Variants in NEFM observed in about 807,000 individuals in gnomAD.
The protein encoded by NEFM is neurofilament medium chain.
A neutral mutation model predicts 48.1 loss-of-function variants in NEFM; 16 were observed. The ratio of observed to expected loss-of-function variants is 0.33; its 90% CI spans 0.23 to 0.51. The LOEUF (loss-of-function observed/expected upper bound fraction) is 0.51. Ranked by LOEUF, NEFM falls within the 20% of genes least tolerant of loss-of-function variation. NEFM has a pLI of 0.98. For synonymous variants in NEFM, 465 were observed against 456.9 expected, an observed-to-expected ratio of 1.02 and a Z score of -0.23; for missense variants, 1,107 against 1,136.0, an observed-to-expected ratio of 0.97 and a Z score of 0.37.
At position 24,917,769 on chromosome 8, in the gene NEFM, A is replaced by C. The variant is rs771852346; in HGVS notation, c.1914A>C (p.Lys638Asn). 6.2e-7 allele frequency: 1 copy of C among 1,613,918 alleles called. No individual in the cohort carries two copies. Among genetic ancestry groups the C allele is most frequent in the South Asian group, 1.1e-5 (1 of 91,050 alleles). ...TGCCCAAGTCACCAGTGGAAGAGAA[A>C]GGCAAGTCTCCTGTGCCCAAGTCAC... The part of the protein sequence containing the change: ...SPVPKSPVEE[K>N]GKSPVPKSPV... The change falls in exon 3 of 3, where the codon AAA becomes AAC. Residue 638 changes from lysine (K) to asparagine (N), a missense_variant. Transcript: ENST00000221166.
At position 24,914,781 on chromosome 8, in the gene NEFM, G is replaced by C. The variant is rs1802547613; in HGVS notation, c.988G>C (p.Glu330Gln). ...GCGCCAGCTGCAGTCCAAGAGCATC[G>C]AGCTAGAGTCGGTGCGCGGCACCAA... ...YRRQLQSKSI[E>Q]LESVRGTKES... is the part of the protein sequence containing the mutation. Residue 330 changes from glutamate to glutamine, a missense_variant, in exon 1 of 3, where the codon GAG (glutamate) becomes CAG (glutamine). Physicochemically the swap from Glu to Gln is conservative, Grantham distance 29 (BLOSUM62 2). This residue lies in a region of NEFM where 917 missense variants were observed against 916.4 expected (regional missense o/e 1.00). Transcript: ENST00000221166. 1 of 1,609,700 alleles carries C rather than the reference G, an allele frequency of 6.2e-7. No individual in the cohort carries two copies. Among genetic ancestry groups the C allele is most frequent in the African/African-American group, 1.3e-5 (1 of 74,882 alleles).
In NEFM at chr8:24,915,342, C is replaced by T. The variant is rs936776438; in HGVS notation, c.1081-263C>T. 18 of 1,263,036 alleles carry T rather than the reference C, an allele frequency of 1.4e-5. No individual in the cohort carries two copies. In the African/African-American group the frequency reaches 2.3e-4, roughly 16 times the overall value. The allele number at this position is 1,263,036 out of a possible 1,614,324, so 78.2% of individuals were successfully genotyped here. The stretch of plus-strand genomic sequence containing the variant: ...CATGCATGTTTGTGTCCTGTTGAGA[C>T]GTGTTCTAAGTCCACTGGTCTCCGT... On this transcript the variant is annotated intron_variant, in intron 1 of 2. Coordinates refer to ENST00000221166, the MANE Select transcript of NEFM (RefSeq NM_005382.2).
At position 24,918,392 on chromosome 8, in the gene NEFM, A is replaced by T. The variant is rs749966909; in HGVS notation, c.2537A>T (p.Asp846Val). Residue 846 changes from aspartate to valine, a missense_variant, in exon 3 of 3, where the codon GAT becomes GTT. Asp to Val is a radical substitution (Grantham distance 152). This residue lies in a region of NEFM where 917 missense variants were observed against 916.4 expected (regional missense o/e 1.00). Transcript: ENST00000221166. Reference sequence around the variant, plus strand: ...CCAGCAGATGAAAAGAAGGGGGGTGATAAAAGTGAGGAGAAAGTGGTGGTG... The same window carrying T: ...CCAGCAGATGAAAAGAAGGGGGGTGTTAAAAGTGAGGAGAAAGTGGTGGTG... ...LSPADEKKGG[D>V]KSEEKVVVTK... 2.5e-6 allele frequency: 4 copies of T among 1,614,046 alleles called. No homozygotes were observed. Among genetic ancestry groups the T allele is most frequent in the Non-Finnish European group, 3.4e-6 (4 of 1,180,036 alleles).
intron 1 of NEFM, chr8:24,915,159 G>A: frequency 1.5e-6 from 2 of 1,331,036 alleles, no homozygotes; most frequent in South Asian, 3.8e-5. Flanking sequence ...AAAGCAGGAG[G>A]GATGAATTCG....
At chr8:24,915,062 C>T in intron 1 of NEFM, 189 bp downstream of exon 1, 1 of 1,380,198 alleles carries the variant, frequency 7.2e-7, no homozygotes. Context: ...ACTCCGCCCC[C>T]ACCCACCTGC....
In NEFM at chr8:24,918,551, A is replaced by G. The variant is rs1802618725; in HGVS notation, c.2696A>G (p.Lys899Arg). The change falls in exon 3 of 3, where the codon AAG becomes AGG. Residue 899 changes from lysine (K) to arginine (R), a missense_variant. Coordinates refer to ENST00000221166, the MANE Select transcript of NEFM (RefSeq NM_005382.2). ...GAGGAGAAACTAGTGTCTACTAAAA[A>G]GGTAGAAAAAGTCACTTCACACGCC... is the stretch of plus-strand genomic sequence containing the variant. ...TFEEKLVSTK[K>R]VEKVTSHAIV... is the part of the protein sequence containing the mutation. 1.2e-6 allele frequency: 2 copies of G among 1,613,620 alleles called. No homozygotes were observed. The highest frequency in any genetic ancestry group is 1.7e-6 in the Non-Finnish European group (2 of 1,180,020).
chr8:24,917,196 G>A lies in NEFM; in HGVS notation c.1341G>A (p.Lys447=). The change falls in exon 3 of 3, where the codon AAG becomes AAA. Residue 447 remains lysine (K), a synonymous_variant. Transcript: ENST00000221166. ...CCAAGGTGGAAGCTCCCAAGCTTAA[G>A]GTCCAACACAAATTTGTCGAGGAGA... ...QKPKVEAPKL[K]VQHKFVEEII... 1 of 1,614,072 alleles carries A rather than the reference G, an allele frequency of 6.2e-7. No homozygotes were observed. The highest frequency in any genetic ancestry group is 1.6e-4 in the Middle Eastern group (1 of 6,062).
Position 24,913,856 on chromosome 8 carries a change from C to G in NEFM, c.63C>G (p.Arg21=). 4.4e-6 allele frequency: 7 copies of G among 1,608,078 alleles called. No individual in the cohort carries two copies. Among genetic ancestry groups the G allele is most frequent in the Non-Finnish European group, 5.9e-6 (7 of 1,178,006 alleles). The change falls in exon 1 of 3, where the codon CGC becomes CGG. Residue 21 remains arginine, a synonymous_variant. Coordinates refer to ENST00000221166, the MANE Select transcript of NEFM (RefSeq NM_005382.2). ...PSAYRRVTET[R]SSFSRVSGSP... is the part of the protein sequence containing the mutation. ...CCTACCGGCGGGTAACCGAGACCCG[C>G]TCGAGCTTCAGCCGCGTCAGCGGCT...
At position 24,917,373 on chromosome 8, in the gene NEFM, A is replaced by C; in HGVS notation, c.1518A>C (p.Val506=). 1 of 1,589,244 alleles carries C rather than the reference A, an allele frequency of 6.3e-7. No individual in the cohort carries two copies. The highest frequency in any genetic ancestry group is 8.6e-7 in the Non-Finnish European group (1 of 1,167,166). Residue 506 remains valine, a synonymous_variant, in exon 3 of 3, where the codon GTA becomes GTC. Coordinates refer to ENST00000221166, the MANE Select transcript of NEFM (RefSeq NM_005382.2). ...EEEPEAEEEE[V]AAKKSPVKAT... ...AACCCGAAGCTGAAGAAGAAGAAGTAGCTGCCAAAAAGTCTCCAGTGAAAG... is the reference window on the plus strand; with the variant it reads ...AACCCGAAGCTGAAGAAGAAGAAGTCGCTGCCAAAAAGTCTCCAGTGAAAG...
rs1802586343 is a variant in NEFM, at chr8:24,917,171, C to A, written c.1316C>A (p.Pro439His). The A allele has an allele frequency of 6.2e-7, 1 of 1,613,872 alleles. No homozygotes were observed. The highest frequency in any genetic ancestry group is 1.3e-5 in the African/African-American group (1 of 74,836). ...ACAATATCCAGTAAGATTCAGAAACCCAAGGTGGAAGCTCCCAAGCTTAAG... is the reference window on the plus strand; with the variant it reads ...ACAATATCCAGTAAGATTCAGAAACACAAGGTGGAAGCTCCCAAGCTTAAG... ...PITISSKIQK[P>H]KVEAPKLKVQ... is the part of the protein sequence containing the mutation. Residue 439 changes from proline (P) to histidine (H), a missense_variant, in exon 3 of 3, where the codon CCC becomes CAC. Physicochemically the swap from Pro to His is moderately conservative, Grantham distance 77. Coordinates refer to ENST00000221166, the MANE Select transcript of NEFM (RefSeq NM_005382.2).
Position 24,915,644 on chromosome 8 carries a change from A to G in NEFM, c.1120A>G (p.Lys374Glu). The G allele has an allele frequency of 2.5e-6, 4 of 1,614,096 alleles. No homozygotes were observed. Among genetic ancestry groups the G allele is most frequent in the Non-Finnish European group, 2.5e-6 (3 of 1,180,020 alleles). The change falls in exon 2 of 3, where the codon AAG (lysine) becomes GAG (glutamate). Residue 374 changes from lysine (K) to glutamate (E), a missense_variant. Physicochemically the swap from Lys to Glu is moderately conservative, Grantham distance 56. Transcript: ENST00000221166. ...QQLENELRGT[K>E]WEMARHLREY... ...GCTGGAAAATGAGCTTCGGGGCACA[A>G]AGTGGGAAATGGCTCGTCATTTGCG...
Position 24,914,024 on chromosome 8 carries a change from C to T in NEFM, c.231C>T (p.Phe77=), listed in dbSNP as rs765561281. 9 of 1,612,674 alleles carry T rather than the reference C, an allele frequency of 5.6e-6. No individual in the cohort carries two copies. Among genetic ancestry groups the T allele is most frequent in the Middle Eastern group, 1.7e-4 (1 of 6,058 alleles). The stretch of plus-strand genomic sequence containing the variant: ...GCTCCGCCGAGAGCAGCCTTGACTT[C>T]AGCCAGTCCTCGTCCCTGCTCAACG... The part of the protein sequence containing the change: ...MLSSAESSLD[F]SQSSSLLNGG... The change falls in exon 1 of 3, where the codon TTC becomes TTT. Residue 77 remains phenylalanine (F), a synonymous_variant. Transcript: ENST00000221166.
Position 24,917,630 on chromosome 8 carries a change from G to T in NEFM, c.1775G>T (p.Ser592Ile). 1.9e-6 allele frequency: 3 copies of T among 1,613,000 alleles called. No homozygotes were observed. The highest frequency in any genetic ancestry group is 2.5e-6 in the Non-Finnish European group (3 of 1,179,836). ...AKEEKKVEEK[S>I]EEVATKEELV... ...GAGGAAAAGAAAGTGGAGGAAAAGA[G>T]TGAGGAAGTGGCTACCAAGGAGGAG... Residue 592 changes from serine to isoleucine, a missense_variant, in exon 3 of 3, where the codon AGT (serine) becomes ATT (isoleucine). By Grantham distance (142) the Ser-to-Ile change is moderately radical. Transcript: ENST00000221166.
chr8:24,917,553 GGAA>G lies in NEFM; in HGVS notation c.1703_1705del (p.Glu568del), dbSNP rs1405029936. The G allele has an allele frequency of 1.3e-5, 20 of 1,569,242 alleles. No individual in the cohort carries two copies. The highest frequency in any genetic ancestry group is 1.7e-5 in the Non-Finnish European group (20 of 1,156,892). On this transcript the variant is annotated inframe_deletion, in exon 3 of 3. Transcript: ENST00000221166. ...CTAGTGAAAAAGAGGAAGGTGAGCA[GGAA>G]GAAGGAGAAACAGAAGCTGAAGCTG...
At position 24,917,135 on chromosome 8, in the gene NEFM, G is replaced by C. The variant is rs545495731; in HGVS notation, c.1280G>C (p.Arg427Pro). ...GSITGPLYTH[R>P]PPITISSKIQ... ...ATCACTGGGCCACTGTATACACACC[G>C]ACCCCCAATCACAATATCCAGTAAG... Residue 427 changes from arginine to proline, a missense_variant, in exon 3 of 3, where the codon CGA becomes CCA. By Grantham distance (103) the Arg-to-Pro change is moderately radical. Around this residue, in one of 3 missense-constraint regions of NEFM, gnomAD observed 917 missense variants for 916.4 expected, o/e 1.00. Transcript: ENST00000221166. 13 of 1,613,934 alleles carry C rather than the reference G, an allele frequency of 8.1e-6. No homozygotes were observed. The highest frequency in any genetic ancestry group is 1.7e-5 in the Admixed American group (1 of 59,988).
rs1431986192 is a variant in NEFM, at chr8:24,914,447, G to A, written c.654G>A (p.Val218=). The A allele has an allele frequency of 6.2e-7, 1 of 1,613,796 alleles. No homozygotes were observed. The highest frequency in any genetic ancestry group is 2.2e-5 in the East Asian group (1 of 44,860). Residue 218 remains valine (V), a synonymous_variant, in exon 1 of 3, where the codon GTG becomes GTA. Coordinates refer to ENST00000221166, the MANE Select transcript of NEFM (RefSeq NM_005382.2). ...TCGAGGAGGCGTCGCTGGTCAAGGT[G>A]GAGCTGGACAAGAAGGTGCAGTCGC... ...KDIEEASLVK[V]ELDKKVQSLQ...
In NEFM at chr8:24,918,696, G is replaced by A; in HGVS notation, c.*90G>A. ...TCAAAACAGAACGGGTTCTCCCATG[G>A]GGGCTCCAGACATTGTATTTTACTT... On this transcript the variant is annotated 3_prime_UTR_variant, in exon 3 of 3. Coordinates refer to ENST00000221166, the MANE Select transcript of NEFM (RefSeq NM_005382.2). 1.1e-6 allele frequency: 1 copy of A among 927,302 alleles called. No homozygotes were observed. The highest frequency in any genetic ancestry group is 1.3e-5 in the South Asian group (1 of 76,798). 57.4% of individuals were successfully genotyped at this position (927,302 alleles called of 1,614,324 possible). A position where few individuals can be genotyped will look rare whatever the true frequency, so the allele number is the denominator to read the frequency against.
rs570894285 is a variant in NEFM at position 24,914,132 on chromosome 8, C to G, written c.339C>G (p.Ala113=). ...TGCAGGGGCTGAACGACCGCTTTGC[C>G]GGCTACATAGAGAAGGTGCACTACC... ...EQLQGLNDRF[A]GYIEKVHYLE... is the part of the protein sequence containing the mutation. The change falls in exon 1 of 3, where the codon GCC becomes GCG. Residue 113 remains alanine, a synonymous_variant. Coordinates refer to ENST00000221166, the MANE Select transcript of NEFM (RefSeq NM_005382.2). 4 of 1,612,934 alleles carry G rather than the reference C, an allele frequency of 2.5e-6. No homozygotes were observed. In the African/African-American group the frequency reaches 5.3e-5, roughly 21 times the overall value.
chr8:24,914,571 G>A lies in NEFM; in HGVS notation c.778G>A (p.Asp260Asn). Residue 260 changes from aspartate (D) to asparagine (N), a missense_variant, in exon 1 of 3, where the codon GAC becomes AAC. Transcript: ENST00000221166. ...ATCGCACATCACGGTGGAGCGCAAA[G>A]ACTACCTGAAGACAGACATCTCGAC... ...QASHITVERKDYLKTDISTAL... is the reference protein window; with the variant it reads ...QASHITVERKNYLKTDISTAL... 6.2e-7 allele frequency: 1 copy of A among 1,614,170 alleles called. No homozygotes were observed. Among genetic ancestry groups the A allele is most frequent in the Non-Finnish European group, 8.5e-7 (1 of 1,180,032 alleles).
Sources: allele counts gnomAD v4.1 joint callset, GRCh38; gene constraint gnomAD v4.1.1; regional missense constraint gnomAD v4.1.1; transcripts MANE v1.5; gene names NCBI Gene and HGNC (gene_info 2026-07-23, HGNC 2026-07-21).